MEGF11: variants seen among roughly 807,000 people sequenced by gnomAD.
The protein encoded by MEGF11 is multiple epidermal growth factor-like domains protein 11.
In MEGF11, 126 loss-of-function variants were observed where a neutral mutation model predicts 146.6. The observed-to-expected ratio is 0.86, with a 90% CI of 0.74 to 1.00. The LOEUF (loss-of-function observed/expected upper bound fraction) is 1.00. MEGF11 is among the 50% of genes least tolerant of loss of function. The pLI, the probability that MEGF11 is intolerant of heterozygous loss-of-function variation, is 0.00. For missense variants in MEGF11, 1,509 were observed against 1,521.2 expected, an observed-to-expected ratio of 0.99 and a Z score of 0.13; for synonymous variants, 532 against 583.4, an observed-to-expected ratio of 0.91 and a Z score of 1.27.
intron 5 of MEGF11, among the ~76,000 whole-genome samples, chr15:66,000,903 A>C (rs185508575): frequency 2.0e-5 from 3 of 152,288 alleles, no homozygotes; most frequent in Non-Finnish European, 2.9e-5. Context: ...TTAGGAGGAG[A>C]TGAGACTTGG....
intron 4 of MEGF11, among the ~76,000 whole-genome samples, chr15:66,104,454 T>C (rs899478473): frequency 6.6e-6 from 1 of 152,246 alleles, no homozygotes; most frequent in Non-Finnish European, 1.5e-5. Flanking sequence ...ACAAGCCAAA[T>C]GGCATTTCCA....
intron 1 of MEGF11, among the ~76,000 whole-genome samples, chr15:66,175,162 C>T (rs1331388063): frequency 6.6e-6 from 1 of 152,138 alleles, no homozygotes; most frequent in Non-Finnish European, 1.5e-5. Flanking sequence ...ATTTTACTTC[C>T]TGTTTTCCAA....
chr15:66,036,410 G>A (rs536113909), intron 5 of MEGF11, among the ~76,000 whole-genome samples: 7 of 152,282 alleles, frequency 4.6e-5, no homozygotes, highest in East Asian at 3.9e-4. Flanking sequence ...AATTATCCAC[G>A]TTGCTCCATA....
In MEGF11 at chr15:65,922,250, T is replaced by C. The variant is rs555603378; in HGVS notation, c.1957+88A>G. ...AAGGAGCTACCTCCATAGCGTATGA[T>C]GAAAATCCCCAAGCCCTTCCTTCCC... On this transcript the variant is annotated intron_variant, in intron 15 of 25. Coordinates refer to ENST00000395614, the MANE Select transcript of MEGF11 (RefSeq NM_001385028.1). The C allele has an allele frequency of 2.9e-4, 438 of 1,508,242 alleles. 1 individual carries two copies. The highest frequency in any genetic ancestry group is 3.1e-4 in the Non-Finnish European group (348 of 1,112,756). 93.4% of individuals were successfully genotyped at this position (1,508,242 alleles called of 1,614,324 possible).
At chr15:66,212,866 C>G (rs959484200) in intron 1 of MEGF11, among the ~76,000 whole-genome samples, 2 of 152,232 alleles carry the variant, frequency 1.3e-5, no homozygotes, top group African/African-American at 2.4e-5. Flanking sequence ...CCTTAAACCA[C>G]GGAACACAGA....
intron 5 of MEGF11, among the ~76,000 whole-genome samples, chr15:66,009,888 C>T (rs1009394808): frequency 1.3e-5 from 2 of 152,112 alleles, no homozygotes; most frequent in African/African-American, 4.8e-5. Context: ...GCCACCGTGC[C>T]CGGCCCACAT....
At chr15:65,948,293 T>G (rs1276078799) in intron 10 of MEGF11, among the ~76,000 whole-genome samples, 2 of 152,004 alleles carry the variant, frequency 1.3e-5, no homozygotes, top group African/African-American at 4.8e-5. Context: ...TGAGGGAAGT[T>G]CACTTTCCCT....
intron 1 of MEGF11, among the ~76,000 whole-genome samples, chr15:66,210,612 C>A (rs761597749): frequency 3.9e-5 from 6 of 152,172 alleles, no homozygotes; most frequent in Non-Finnish European, 8.8e-5. Context: ...GTGGAATGAT[C>A]CCCTGCACTC....
intron 5 of MEGF11, among the ~76,000 whole-genome samples, chr15:66,072,077 C>T (rs1269615305): frequency 6.6e-6 from 1 of 152,184 alleles, no homozygotes; most frequent in African/African-American, 2.4e-5. Context: ...AGCAAGATGC[C>T]TTCGCGTCCC....
intron 10 of MEGF11, among the ~76,000 whole-genome samples, chr15:65,935,106 G>A (rs1334517313): frequency 6.6e-6 from 1 of 151,908 alleles, no homozygotes; most frequent in Non-Finnish European, 1.5e-5. Flanking sequence ...GGATCACGAT[G>A]TCAGGAGATT....
intron 5 of MEGF11, among the ~76,000 whole-genome samples, chr15:66,016,482 T>TTG (rs2082889799): frequency 1.0e-5 from 1 of 99,764 alleles, no homozygotes; most frequent in Non-Finnish European, 2.1e-5. Context: ...CCATTCAGTT[T>TTG]TTTTTTTTTT....
intron 5 of MEGF11, among the ~76,000 whole-genome samples, chr15:65,994,738 G>A (rs561710815): frequency 6.6e-6 from 1 of 152,224 alleles, no homozygotes; most frequent in Non-Finnish European, 1.5e-5. Flanking sequence ...CCTGGCAGGA[G>A]GCTGTTCCCA....
intron 1 of MEGF11, among the ~76,000 whole-genome samples, chr15:66,160,028 C>T (rs571975864): frequency 6.6e-5 from 10 of 152,188 alleles, no homozygotes; most frequent in African/African-American, 2.2e-4. Flanking sequence ...TTTTTCTTTG[C>T]TAATGGAACT....
intron 5 of MEGF11, among the ~76,000 whole-genome samples, chr15:66,064,238 G>A (rs982766789): frequency 1.5e-4 from 23 of 152,138 alleles, no homozygotes; most frequent in Non-Finnish European, 2.5e-4. Context: ...GTGTGGTGGC[G>A]CACGTGTGTA....
intron 1 of MEGF11, among the ~76,000 whole-genome samples, chr15:66,154,810 G>T (rs1168822769): frequency 6.6e-6 from 1 of 152,212 alleles, no homozygotes; most frequent in Non-Finnish European, 1.5e-5. Context: ...CCTTGGTGGG[G>T]TCTCAGTGGG....
intron 5 of MEGF11, among the ~76,000 whole-genome samples, chr15:66,072,804 G>C (rs1467388252): frequency 6.6e-6 from 1 of 152,200 alleles, no homozygotes; most frequent in African/African-American, 2.4e-5. Context: ...GCCCAGGAAG[G>C]TTGCCTGGCT....
chr15:66,243,652 C>T (rs1431788864), intron 1 of MEGF11, among the ~76,000 whole-genome samples: 1 of 152,136 alleles, frequency 6.6e-6, no homozygotes, highest in Non-Finnish European at 1.5e-5. Flanking sequence ...CATTTATTTG[C>T]ATATGTAGAT....
chr15:66,053,715 ATTTTTTTTTTTTTTT>A (rs71447880), intron 5 of MEGF11, among the ~76,000 whole-genome samples: 1 of 32,082 alleles, frequency 3.1e-5, no homozygotes, highest in African/African-American at 1.2e-4. Context: ...CCTGGCACCA[ATTTTTTTTTTTTTTT>A]TTTTTTTTTT....
chr15:66,036,302 C>T (rs1200218548), intron 5 of MEGF11, among the ~76,000 whole-genome samples: 1 of 152,266 alleles, frequency 6.6e-6, no homozygotes, highest in Non-Finnish European at 1.5e-5. Flanking sequence ...TCCCTGCTCC[C>T]TCATTCTCCC....
Sources: allele counts gnomAD v4.1 joint callset (sites outside exome capture counted in the v4.1 genomes callset), GRCh38; gene constraint gnomAD v4.1.1; transcripts MANE v1.5; gene names NCBI Gene and HGNC (gene_info 2026-07-23, HGNC 2026-07-21).